Variants in ADAM18 observed in about 807,000 individuals in gnomAD.
ADAM18 encodes disintegrin and metalloproteinase domain-containing protein 18.
Under a neutral mutation model 94.4 loss-of-function variants are expected in ADAM18, and 117 were observed. That is an observed-to-expected ratio of 1.24 (90% CI 1.07 to 1.45). The LOEUF (loss-of-function observed/expected upper bound fraction) is 1.45. ADAM18 is among the 40% of genes most tolerant of loss of function. The pLI is 0.00. For synonymous variants in ADAM18, 327 were observed against 291.6 expected, an observed-to-expected ratio of 1.12 and a Z score of -1.24; for missense variants, 936 against 880.0, an observed-to-expected ratio of 1.06 and a Z score of -0.81.
chr8:39,704,486 G>C (rs981643640), intron 17 of ADAM18, among the ~76,000 whole-genome samples: 1 of 151,946 alleles, frequency 6.6e-6, no homozygotes, highest in African/African-American at 2.4e-5. Flanking sequence ...TGCAGAAAAG[G>C]CTTTTGATAA....
At chr8:39,708,471 C>T (rs1822301587) in intron 18 of ADAM18, among the ~76,000 whole-genome samples, 2 of 152,088 alleles carry the variant, frequency 1.3e-5, no homozygotes, top group Non-Finnish European at 2.9e-5. Context: ...TCTCAATGAA[C>T]TCTGGAAAAA....
At chr8:39,661,622 A>G (rs1345016815) in intron 12 of ADAM18, among the ~76,000 whole-genome samples, 2 of 151,986 alleles carry the variant, frequency 1.3e-5, no homozygotes, top group Non-Finnish European at 2.9e-5. Context: ...CCATGCCAAG[A>G]CTATAAAACA....
intron 6 of ADAM18, among the ~76,000 whole-genome samples, chr8:39,613,357 C>T (rs957164652): frequency 1.3e-5 from 2 of 152,156 alleles, no homozygotes; most frequent in Non-Finnish European, 2.9e-5. Flanking sequence ...GCATGCAGCC[C>T]AGGAGTACTA....
At chr8:39,633,104 A>T (rs1819978354) in intron 7 of ADAM18, among the ~76,000 whole-genome samples, 1 of 152,124 alleles carries the variant, frequency 6.6e-6, no homozygotes, top group Non-Finnish European at 1.5e-5. Context: ...TCCTCACCAG[A>T]CCTGTTTGTG....
intron 16 of ADAM18, among the ~76,000 whole-genome samples, chr8:39,684,891 A>G (rs531717978): frequency 6.6e-6 from 1 of 152,234 alleles, no homozygotes; most frequent in South Asian, 2.1e-4. Context: ...TAGACATTGT[A>G]TGAGGGAGCA....
intron 2 of ADAM18, among the ~76,000 whole-genome samples, chr8:39,593,383 A>G (rs1818636872): frequency 6.6e-6 from 1 of 152,214 alleles, no homozygotes; most frequent in Non-Finnish European, 1.5e-5. Flanking sequence ...TCACAGAAAT[A>G]CAAAATACAA....
chr8:39,675,680 G>A (rs1821282226), intron 14 of ADAM18, among the ~76,000 whole-genome samples: 1 of 152,228 alleles, frequency 6.6e-6, no homozygotes, highest in South Asian at 2.1e-4. Flanking sequence ...GCGAGGAGCT[G>A]TGATCCTTTG....
At chr8:39,633,039 A>G (rs1390838566) in intron 7 of ADAM18, among the ~76,000 whole-genome samples, 1 of 152,152 alleles carries the variant, frequency 6.6e-6, no homozygotes, top group Non-Finnish European at 1.5e-5. Context: ...GACTTCATGC[A>G]GCATTCTGTA....
chr8:39,664,591 T>G (rs780640508), intron 13 of ADAM18, among the ~76,000 whole-genome samples: 6 of 152,044 alleles, frequency 3.9e-5, no homozygotes, highest in Non-Finnish European at 7.4e-5. Context: ...CTCAAATAAA[T>G]TATAAAGTCA....
At chr8:39,725,872 A>T (rs925387384) in intron 19 of ADAM18, among the ~76,000 whole-genome samples, 1 of 152,188 alleles carries the variant, frequency 6.6e-6, no homozygotes, top group African/African-American at 2.4e-5. Context: ...CATACCCAGA[A>T]GTGAGGTTGT....
intron 6 of ADAM18, among the ~76,000 whole-genome samples, chr8:39,628,112 A>G (rs1018983925): frequency 1.3e-5 from 2 of 152,040 alleles, no homozygotes; most frequent in Non-Finnish European, 2.9e-5. Flanking sequence ...AATTTTAATA[A>G]TTATATAATT....
intron 3 of ADAM18, among the ~76,000 whole-genome samples, chr8:39,606,641 G>A (rs941718439): frequency 6.6e-6 from 1 of 152,090 alleles, no homozygotes; most frequent in Non-Finnish European, 1.5e-5. Flanking sequence ...AGAACAGCAA[G>A]TTATATATTA....
At chr8:39,697,985 G>A (rs1328310399) in intron 17 of ADAM18, among the ~76,000 whole-genome samples, 1 of 151,756 alleles carries the variant, frequency 6.6e-6, no homozygotes, top group East Asian at 1.9e-4. Flanking sequence ...TCTTTCTTAA[G>A]TTTTGGACAT....
intron 19 of ADAM18, among the ~76,000 whole-genome samples, chr8:39,729,148 G>T (rs907378204): frequency 1.3e-5 from 2 of 152,030 alleles, no homozygotes; most frequent in African/African-American, 2.4e-5. Context: ...TCTTGTGTTT[G>T]TGGGCCACAG....
intron 17 of ADAM18, among the ~76,000 whole-genome samples, chr8:39,704,264 T>C (rs76051053): frequency 5.9e-5 from 9 of 152,112 alleles, no homozygotes; most frequent in Non-Finnish European, 1.2e-4. Context: ...AAAATTAAAA[T>C]TTTAGGCCTA....
At chr8:39,602,862 A>G (rs1483397875) in intron 2 of ADAM18, among the ~76,000 whole-genome samples, 2 of 152,128 alleles carry the variant, frequency 1.3e-5, no homozygotes, top group Non-Finnish European at 2.9e-5. Context: ...TATCATATCT[A>G]AAAACTCATC....
rs766371665 is a variant in ADAM18 at position 39,587,061 on chromosome 8, TTTA to T, written c.132+1712_132+1714del. Among the ~76,000 whole-genome samples the T allele has an allele frequency of 2.0e-5, 3 of 152,332 alleles. No individual in the cohort carries two copies. In the East Asian group the frequency reaches 5.8e-4, roughly 29 times the overall value. On this transcript the variant is annotated intron_variant, in intron 2 of 19. Coordinates refer to ENST00000265707, the MANE Select transcript of ADAM18 (RefSeq NM_014237.3). ...GGTATTATTTTCATGTTTTTAAAAC[TTTA>T]TTGAGTTATAATTGATATAAAAATT...
intron 13 of ADAM18, 114 bp from the exon 14 acceptor site, chr8:39,667,884 T>C (rs1407600054): frequency 1.9e-6 from 2 of 1,063,680 alleles, no homozygotes; most frequent in Non-Finnish European, 2.7e-6. Context: ...TTGGGAACTC[T>C]GGTGTTCCCT....
chr8:39,638,723 T>C (rs1319999394), intron 10 of ADAM18, among the ~76,000 whole-genome samples, 177 bp downstream of exon 10: 1 of 151,898 alleles, frequency 6.6e-6, no homozygotes, highest in Non-Finnish European at 1.5e-5. Context: ...TATTTATTTA[T>C]AAAGTTCAAA....
Sources: gnomAD v4.1 joint callset for allele counts (sites outside exome capture counted in the v4.1 genomes callset) on GRCh38, gnomAD v4.1.1 for gene constraint, MANE v1.5 for transcripts, NCBI Gene and HGNC (gene_info 2026-07-23, HGNC 2026-07-21) for gene names.